Variants in RYR3 observed in about 807,000 individuals in gnomAD.
RYR3 encodes brain ryanodine receptor-calcium release channel.
RYR3 carries 207 observed loss-of-function variants against 584.3 expected under a neutral mutation model. The observed-to-expected ratio is 0.35, with a 90% confidence interval of 0.32 to 0.40. The LOEUF (loss-of-function observed/expected upper bound fraction) is 0.40. Among genes scored for constraint, RYR3 ranks in the 10% least tolerant of loss-of-function variants. The pLI, the probability that RYR3 is intolerant of heterozygous loss-of-function variation, is 1.00. For synonymous variants in RYR3, 2,416 were observed against 2,248.5 expected (o/e 1.07, Z -2.11); for missense variants, 5,616 against 6,089.2 (o/e 0.92, Z 2.59).
rs1361318538 is a variant in RYR3, at chr15:33,835,058, A to T, written c.11554A>T (p.Met3852Leu). The T allele has an allele frequency of 1.9e-6, 3 of 1,613,414 alleles. No homozygotes were observed. In the African/African-American group the frequency reaches 4.0e-5, roughly 22 times the overall value. ...GFLHVFANMQ[M>L]KLSQDSSQIE... Reference sequence around the variant, plus strand: ...CCTCCATGTCTTTGCTAATATGCAGATGAAACTCTCTCAGGTACTGTGGCC... The same window carrying T: ...CCTCCATGTCTTTGCTAATATGCAGTTGAAACTCTCTCAGGTACTGTGGCC... Residue 3852 changes from methionine to leucine, a missense_variant, in exon 87 of 104, where the codon ATG (methionine) becomes TTG (leucine). Physicochemically the swap from Met to Leu is conservative, Grantham distance 15 (BLOSUM62 2). Transcript: ENST00000634891.
intron 86 of RYR3, among the ~76,000 whole-genome samples, chr15:33,834,315 C>CACACACAG (rs2077886408): frequency 6.9e-6 from 1 of 145,512 alleles, no homozygotes; most frequent in Non-Finnish European, 1.5e-5. Context: ...CACACACACA[C>CACACACAG]ACACACACAG....
intron 97 of RYR3, 82 bp downstream of exon 97, chr15:33,854,531 G>A: frequency 1.6e-6 from 2 of 1,226,344 alleles, no homozygotes; most frequent in Non-Finnish European, 2.3e-6. Flanking sequence ...AGGATGCTCA[G>A]AAGGGTTCAG....
Position 33,584,406 on chromosome 15 carries a change from C to A in RYR3, c.1585C>A (p.Arg529Ser), listed in dbSNP as rs753712777. ...LLYKLLAALI[R>S]GNRNNCAQFS... The stretch of plus-strand genomic sequence containing the variant: ...CTCCTTGTTTGCAGCTGCTCTCATT[C>A]GCGGAAACAGAAACAATTGCGCTCA... Residue 529 changes from arginine (R) to serine (S), a missense_variant, in exon 15 of 104, where the codon CGC (arginine) becomes AGC (serine). Arg to Ser is a moderately radical substitution (Grantham distance 110). This residue lies in a region of RYR3 where 1,284 missense variants were observed against 1,344.6 expected (regional missense o/e 0.95). Transcript: ENST00000634891. 1 of 1,598,876 alleles carries A rather than the reference C, an allele frequency of 6.3e-7. No homozygotes were observed.
At chr15:33,655,123 G>A (rs1215379407) in intron 32 of RYR3, among the ~76,000 whole-genome samples, 1 of 152,200 alleles carries the variant, frequency 6.6e-6, no homozygotes, top group Non-Finnish European at 1.5e-5. Flanking sequence ...ATCACCACTT[G>A]GCACGCTTGC....
At chr15:33,612,036 T>C (rs2060220979) in intron 18 of RYR3, among the ~76,000 whole-genome samples, 1 of 152,236 alleles carries the variant, frequency 6.6e-6, no homozygotes, top group Non-Finnish European at 1.5e-5. Flanking sequence ...AGATATCTTT[T>C]TATCTTTTGC....
At chr15:33,756,108 A>C (rs1245439836) in intron 58 of RYR3, among the ~76,000 whole-genome samples, 198 bp from the exon 59 acceptor site, 1 of 152,194 alleles carries the variant, frequency 6.6e-6, no homozygotes, top group African/African-American at 2.4e-5. Flanking sequence ...AGTAGAAAAA[A>C]GGGTAGTGAA....
chr15:33,355,513 C>A (rs954872492), intron 1 of RYR3, among the ~76,000 whole-genome samples: 1 of 152,148 alleles, frequency 6.6e-6, no homozygotes, highest in Non-Finnish European at 1.5e-5. Flanking sequence ...AAGCTGACAT[C>A]GCTAATAAGC....
intron 19 of RYR3, among the ~76,000 whole-genome samples, chr15:33,618,071 G>C (rs1483774367): frequency 6.6e-6 from 1 of 152,112 alleles, no homozygotes; most frequent in East Asian, 1.9e-4. Flanking sequence ...CTTACTAAAA[G>C]TTGATCTTAT....
intron 69 of RYR3, among the ~76,000 whole-genome samples, chr15:33,804,399 G>A (rs1185196524): frequency 6.6e-6 from 1 of 152,178 alleles, no homozygotes; most frequent in African/African-American, 2.4e-5. Flanking sequence ...GAAGGCGAAA[G>A]GAAGCTAAGT....
At chr15:33,439,228 T>C (rs1274850983) in intron 1 of RYR3, among the ~76,000 whole-genome samples, 2 of 152,202 alleles carry the variant, frequency 1.3e-5, no homozygotes, top group African/African-American at 4.8e-5. Flanking sequence ...TTTGGGTTTA[T>C]TTGGCATTTC....
intron 95 of RYR3, 126 bp from the exon 96 acceptor site, chr15:33,853,429 G>T: frequency 8.2e-7 from 1 of 1,220,428 alleles, no homozygotes; most frequent in Non-Finnish European, 1.1e-6. Flanking sequence ...TCTGCATTTT[G>T]AACTATGTCT....
intron 1 of RYR3, among the ~76,000 whole-genome samples, chr15:33,462,118 C>T (rs2048087998): frequency 6.6e-6 from 1 of 152,156 alleles, no homozygotes; most frequent in Non-Finnish European, 1.5e-5. Flanking sequence ...CTGTAAGTGA[C>T]CTGTTTTCAA....
At chr15:33,659,105 G>A (rs951398819) in intron 32 of RYR3, among the ~76,000 whole-genome samples, 10 of 152,200 alleles carry the variant, frequency 6.6e-5, no homozygotes, top group Non-Finnish European at 1.3e-4. Flanking sequence ...GGCAGAGAGT[G>A]CTGCTGATGT....
chr15:33,627,231 T>C (rs1434426388), intron 20 of RYR3, among the ~76,000 whole-genome samples: 2 of 152,164 alleles, frequency 1.3e-5, no homozygotes, highest in Non-Finnish European at 2.9e-5. Flanking sequence ...TCTGGAATTT[T>C]ATATGAAGTC....
intron 88 of RYR3, among the ~76,000 whole-genome samples, chr15:33,837,429 C>G (rs1314730820): frequency 6.6e-6 from 1 of 152,170 alleles, no homozygotes; most frequent in Non-Finnish European, 1.5e-5. Context: ...GGTGTGGCCA[C>G]CTCCTTCTTC....
intron 3 of RYR3, among the ~76,000 whole-genome samples, chr15:33,518,961 C>A (rs74367405): frequency 6.6e-6 from 1 of 152,160 alleles, no homozygotes; most frequent in Admixed American, 6.5e-5. Flanking sequence ...GCACAGAAAC[C>A]GGAGTGAGAA....
intron 1 of RYR3, among the ~76,000 whole-genome samples, chr15:33,466,308 AAAAAC>A (rs1402744597): frequency 3.9e-5 from 6 of 152,230 alleles, no homozygotes; most frequent in Non-Finnish European, 7.3e-5. Flanking sequence ...AGTGAACAGA[AAAAAC>A]AAAATAGTAT....
intron 27 of RYR3, among the ~76,000 whole-genome samples, chr15:33,641,688 T>G (rs2061834824): frequency 1.3e-5 from 2 of 152,230 alleles, no homozygotes; most frequent in African/African-American, 4.8e-5. Flanking sequence ...GCTGTTCTGC[T>G]GCTGTTTTCC....
At chr15:33,737,583 G>A (rs1310478233) in intron 49 of RYR3, among the ~76,000 whole-genome samples, 1 of 152,136 alleles carries the variant, frequency 6.6e-6, no homozygotes, top group East Asian at 1.9e-4. Context: ...TTCATGCCAG[G>A]CAGAAAACAG....
Sources: gnomAD v4.1 joint callset for allele counts (sites outside exome capture counted in the v4.1 genomes callset) on GRCh38, gnomAD v4.1.1 for gene constraint, gnomAD v4.1.1 regional missense constraint, MANE v1.5 for transcripts, NCBI Gene and HGNC (gene_info 2026-07-23, HGNC 2026-07-21) for gene names.